The following GRIN2A variants were observed in gnomAD, a reference collection of about 807,000 sequenced individuals.
The protein encoded by GRIN2A is glutamate ionotropic receptor NMDA type subunit 2A, also known as glutamate receptor ionotropic, NMDA 2A.
Under a neutral mutation model 113.4 loss-of-function variants are expected in GRIN2A, and 22 were observed. That is an observed-to-expected ratio of 0.19 (90% CI 0.14 to 0.28). The LOEUF (loss-of-function observed/expected upper bound fraction) is 0.28. Ranked by LOEUF, GRIN2A falls within the 10% of genes least tolerant of loss-of-function variation. The pLI, the probability that GRIN2A is intolerant of heterozygous loss-of-function variation, is 1.00. For missense variants in GRIN2A, 1,502 were observed against 1,887.0 expected, an observed-to-expected ratio of 0.80 and a Z score of 3.78; for synonymous variants, 827 against 738.4, an observed-to-expected ratio of 1.12 and a Z score of -1.94.
At chr16:10,088,688 G>A (rs907984050) in intron 2 of GRIN2A, among the ~76,000 whole-genome samples, 1 of 152,148 alleles carries the variant, frequency 6.6e-6, no homozygotes, top group Non-Finnish European at 1.5e-5. Context: ...CCACCCACTC[G>A]GCTGTGTTGT....
At chr16:9,909,146 G>A (rs992733563) in intron 3 of GRIN2A, among the ~76,000 whole-genome samples, 1 of 152,184 alleles carries the variant, frequency 6.6e-6, no homozygotes, top group Non-Finnish European at 1.5e-5. Flanking sequence ...GTCTTACATG[G>A]AAGGGAGCAG....
intron 10 of GRIN2A, among the ~76,000 whole-genome samples, chr16:9,811,092 T>C (rs2042078432): frequency 4.6e-5 from 7 of 152,162 alleles, no homozygotes; most frequent in Admixed American, 3.9e-4. Flanking sequence ...TCAGTGGAGA[T>C]GTGTTTATAA....
chr16:9,780,517 A>AC (rs1274289623), intron 11 of GRIN2A, among the ~76,000 whole-genome samples: 3 of 152,068 alleles, frequency 2.0e-5, no homozygotes, highest in African/African-American at 7.2e-5. Flanking sequence ...AGACAAAACC[A>AC]CCCCATGGTC....
At chr16:10,139,935 C>T (rs1349726677) in intron 2 of GRIN2A, among the ~76,000 whole-genome samples, 1 of 152,114 alleles carries the variant, frequency 6.6e-6, no homozygotes, top group East Asian at 1.9e-4. Flanking sequence ...TAAAGTGATC[C>T]TCATGCCTCA....
At position 10,135,110 on chromosome 16, in the gene GRIN2A, C is replaced by G. The variant is rs182924469; in HGVS notation, c.414+44888G>C. Among the ~76,000 whole-genome samples, 282 of 152,288 alleles carry G rather than the reference C, an allele frequency of 1.9e-3. 1 individual carries two copies. The highest frequency in any genetic ancestry group is 1.3e-3 in the Non-Finnish European group (90 of 68,014). ...TCAATCTCTTTCCTCTCACATTTTA[C>G]TAAAAGGAGCAAGAAGAAACCAGGC... On this transcript the variant is annotated intron_variant, in intron 2 of 12. Transcript: ENST00000330684.
At chr16:9,950,812 C>T (rs1025989019) in intron 2 of GRIN2A, among the ~76,000 whole-genome samples, 1 of 152,178 alleles carries the variant, frequency 6.6e-6, no homozygotes, top group African/African-American at 2.4e-5. Flanking sequence ...GGCTGTAAAA[C>T]AGGAAAAGCA....
intron 2 of GRIN2A, among the ~76,000 whole-genome samples, chr16:10,046,190 T>C (rs1306032882): frequency 6.6e-6 from 1 of 152,166 alleles, no homozygotes; most frequent in Non-Finnish European, 1.5e-5. Flanking sequence ...ATTGAGGCCT[T>C]TTGAGAAATG....
intron 2 of GRIN2A, among the ~76,000 whole-genome samples, chr16:10,178,514 G>A (rs888532792): frequency 6.6e-5 from 10 of 152,188 alleles, no homozygotes; most frequent in Non-Finnish European, 1.2e-4. Flanking sequence ...TTCTGAAATT[G>A]TCAGTGGTGG....
At chr16:9,927,239 C>T (rs1214302814) in intron 3 of GRIN2A, among the ~76,000 whole-genome samples, 1 of 152,190 alleles carries the variant, frequency 6.6e-6, no homozygotes, top group African/African-American at 2.4e-5. Flanking sequence ...TACCCCATTC[C>T]CAGCTCCAGG....
chr16:10,144,037 A>G (rs2142265471), intron 2 of GRIN2A, among the ~76,000 whole-genome samples: 1 of 152,300 alleles, frequency 6.6e-6, no homozygotes, highest in Non-Finnish European at 1.5e-5. Context: ...AATGAACATG[A>G]GTGAACATGA....
At chr16:10,040,161 ACTCAGTG>A (rs2047134178) in intron 2 of GRIN2A, among the ~76,000 whole-genome samples, 1 of 30,376 alleles carries the variant, frequency 3.3e-5, no homozygotes, top group African/African-American at 1.3e-4. Context: ...TCGCAACTTC[ACTCAGTG>A]CACATGCATA....
intron 4 of GRIN2A, among the ~76,000 whole-genome samples, chr16:9,850,613 G>A (rs1487757869): frequency 2.0e-5 from 3 of 152,266 alleles, no homozygotes; most frequent in Admixed American, 2.0e-4. Context: ...AGTGGGGGTT[G>A]AGACAACACA....
At chr16:10,001,059 C>A (rs2046311620) in intron 2 of GRIN2A, among the ~76,000 whole-genome samples, 1 of 152,190 alleles carries the variant, frequency 6.6e-6, no homozygotes, top group Non-Finnish European at 1.5e-5. Context: ...AGAAAAGCAG[C>A]ATACTGAGGT....
chr16:9,812,860 T>TAAAC (rs909648079), intron 10 of GRIN2A, among the ~76,000 whole-genome samples: 8 of 152,150 alleles, frequency 5.3e-5, no homozygotes, highest in African/African-American at 1.9e-4. Flanking sequence ...GGAAAGTCAG[T>TAAAC]AAACAGATTT....
intron 2 of GRIN2A, among the ~76,000 whole-genome samples, chr16:9,945,159 A>G (rs1420188511): frequency 6.6e-6 from 1 of 152,156 alleles, no homozygotes; most frequent in East Asian, 1.9e-4. Flanking sequence ...CCCATCTCAA[A>G]TTTTAAAAAT....
At chr16:10,075,972 A>C (rs928047865) in intron 2 of GRIN2A, among the ~76,000 whole-genome samples, 2 of 152,224 alleles carry the variant, frequency 1.3e-5, no homozygotes, top group African/African-American at 4.8e-5. Context: ...CTAGACAGTG[A>C]GAAAATCCAA....
chr16:9,768,348 G>A (rs746890048), intron 12 of GRIN2A, among the ~76,000 whole-genome samples: 1 of 152,002 alleles, frequency 6.6e-6, no homozygotes, highest in African/African-American at 2.4e-5. Context: ...CACCGTGCCC[G>A]GCCAAAAAAT....
In GRIN2A at chr16:10,173,312, C is replaced by T. The variant is rs144673839; in HGVS notation, c.414+6686G>A. On this transcript the variant is annotated intron_variant, in intron 2 of 12. Transcript: ENST00000330684. ...GTGTTTAATGGGAAGGCCCATCACT[C>T]GCATCCAAACTCTGGAGCTGCCAGG... is the stretch of plus-strand genomic sequence containing the variant. 2.6e-5 allele frequency among the ~76,000 whole-genome samples: 4 copies of T among 152,324 alleles called. No homozygotes were observed. In the East Asian group the frequency reaches 5.8e-4, roughly 22 times the overall value.
intron 2 of GRIN2A, among the ~76,000 whole-genome samples, chr16:9,995,011 A>G (rs531192558): frequency 6.6e-6 from 1 of 152,324 alleles, no homozygotes; most frequent in Admixed American, 6.5e-5. Context: ...AGACACCTGA[A>G]AAGTCCAGGG....
Sources: allele counts gnomAD v4.1 joint callset (sites outside exome capture counted in the v4.1 genomes callset), GRCh38; gene constraint gnomAD v4.1.1; transcripts MANE v1.5; gene names NCBI Gene and HGNC (gene_info 2026-07-23, HGNC 2026-07-21).